TBC1D12: variants seen among roughly 807,000 people sequenced by gnomAD.
The protein encoded by TBC1D12 is TBC1 domain family member 12, also known as TBC1 domain family, member 12.
TBC1D12 carries 56 observed loss-of-function variants against 86.7 expected under a neutral mutation model. The ratio of observed to expected loss-of-function variants is 0.65; its 90% CI spans 0.52 to 0.81. The LOEUF (loss-of-function observed/expected upper bound fraction) is 0.81. Ranked by LOEUF, TBC1D12 falls within the 30% of genes least tolerant of loss-of-function variation. TBC1D12 has a pLI of 0.00. For missense variants in TBC1D12, 1,023 were observed against 1,038.8 expected (o/e 0.98, Z 0.21); for synonymous variants, 421 against 411.7 (o/e 1.02, Z -0.27).
intron 2 of TBC1D12, among the ~76,000 whole-genome samples, chr10:94,464,581 T>C (rs546058487): frequency 9.3e-4 from 141 of 152,324 alleles, no homozygotes; most frequent in African/African-American, 3.2e-3. Context: ...TCCTCCCACC[T>C]CAGCTTCCAG....
Position 94,531,330 on chromosome 10 carries a change from T to G in TBC1D12, c.2129T>G (p.Ile710Ser), listed in dbSNP as rs1395264579. The change falls in exon 12 of 13, where the codon ATT becomes AGT. Residue 710 changes from isoleucine to serine, a missense_variant. Ile to Ser is a moderately radical substitution (Grantham distance 142). Around this residue, in one of 2 missense-constraint regions of TBC1D12, gnomAD observed 395 missense variants for 507.7 expected, o/e 0.78. Transcript: ENST00000225235. Reference protein sequence around the residue: ...GLGILRLYEDILLQMDFIHIA... With the variant: ...GLGILRLYEDSLLQMDFIHIA... ...GGAATCCTCCGATTATATGAAGATA[T>G]TCTCCTGCAGATGGACTTTATTCAT... 1 of 1,614,186 alleles carries G rather than the reference T, an allele frequency of 6.2e-7. No homozygotes were observed. Among genetic ancestry groups the G allele is most frequent in the Non-Finnish European group, 8.5e-7 (1 of 1,180,028 alleles).
chr10:94,432,617 T>C (rs919847833), intron 1 of TBC1D12, among the ~76,000 whole-genome samples: 11 of 152,326 alleles, frequency 7.2e-5, no homozygotes, highest in African/African-American at 2.6e-4. Flanking sequence ...ATTTCTTTTA[T>C]GGAAATTTCT....
chr10:94,508,318 G>T (rs998407026), intron 7 of TBC1D12: 2 of 151,470 alleles, frequency 1.3e-5, no homozygotes, highest in Non-Finnish European at 2.9e-5. Context: ...TCATCATATA[G>T]GGATGGGGTC....
At chr10:94,527,628 A>AT (rs1842329209) in intron 11 of TBC1D12, among the ~76,000 whole-genome samples, 1 of 151,472 alleles carries the variant, frequency 6.6e-6, no homozygotes, top group South Asian at 2.1e-4. Context: ...TACTAATAAC[A>AT]TTTTTTCCAA....
chr10:94,531,802 A>ATGTTATTTTATTT (rs1411950940), intron 12 of TBC1D12, among the ~76,000 whole-genome samples: 20 of 142,834 alleles, frequency 1.4e-4, no homozygotes, highest in Admixed American at 2.8e-4. Context: ...ATTTTATTTT[A>ATGTTATTTTATTT]TGTTATTTTA....
intron 2 of TBC1D12, among the ~76,000 whole-genome samples, chr10:94,447,440 T>C (rs888213705): frequency 1.3e-5 from 2 of 152,198 alleles, no homozygotes; most frequent in African/African-American, 4.8e-5. Context: ...TTAAAACTTT[T>C]TATTCCTGCA....
intron 4 of TBC1D12, 90 bp downstream of exon 4, chr10:94,493,537 C>T: frequency 2.0e-6 from 2 of 982,202 alleles, no homozygotes; most frequent in East Asian, 4.8e-5. Context: ...CAAGATGATA[C>T]TGAATTCTTT....
At chr10:94,439,891 G>T (rs1186806738) in intron 1 of TBC1D12, among the ~76,000 whole-genome samples, 1 of 152,164 alleles carries the variant, frequency 6.6e-6, no homozygotes, top group Non-Finnish European at 1.5e-5. Flanking sequence ...GCTACAAAGT[G>T]TTTTCTTGAT....
At chr10:94,446,817 C>A (rs2055469118) in intron 2 of TBC1D12, among the ~76,000 whole-genome samples, 1 of 152,224 alleles carries the variant, frequency 6.6e-6, no homozygotes, top group South Asian at 2.1e-4. Context: ...TGCGGTGGCT[C>A]ACATCTACAA....
intron 5 of TBC1D12, 127 bp downstream of exon 5, chr10:94,497,299 T>A (rs1053441955): frequency 2.5e-6 from 1 of 401,692 alleles, no homozygotes; most frequent in Non-Finnish European, 4.5e-6. Flanking sequence ...GCAGGTTAGT[T>A]ACATATGTAT....
intron 1 of TBC1D12, among the ~76,000 whole-genome samples, chr10:94,439,758 A>T (rs925542644): frequency 2.6e-5 from 4 of 152,200 alleles, no homozygotes; most frequent in African/African-American, 9.6e-5. Context: ...GTTATCTTAG[A>T]GCATAAAGGT....
At position 94,531,679 on chromosome 10, in the gene TBC1D12, T is replaced by TTTATTTTATG. The variant is rs1564996553; in HGVS notation, c.2259+234_2259+243dup. Among the ~76,000 whole-genome samples, 30 of 133,044 alleles carry TTTATTTTATG rather than the reference T, an allele frequency of 2.3e-4. 1 individual carries two copies. Among genetic ancestry groups the TTTATTTTATG allele is most frequent in the South Asian group, 9.4e-4 (4 of 4,236 alleles). 87.3% of individuals were successfully genotyped at this position (133,044 alleles called of 152,430 possible). On this transcript the variant is annotated intron_variant, in intron 12 of 12. Coordinates refer to ENST00000225235, the MANE Select transcript of TBC1D12 (RefSeq NM_015188.2). ...TTTATTTTATTTTATTTTATTTTAT[T>TTTATTTTATG]TTATTTTATGTTATTTTATGTTATG...
intron 5 of TBC1D12, among the ~76,000 whole-genome samples, chr10:94,499,580 A>G (rs755529654): frequency 6.6e-6 from 1 of 152,268 alleles, no homozygotes; most frequent in Non-Finnish European, 1.5e-5. Context: ...TGCAATGCCT[A>G]CTGTAGTTTG....
At chr10:94,410,945 C>T (rs1271630607) in intron 1 of TBC1D12, among the ~76,000 whole-genome samples, 1 of 152,082 alleles carries the variant, frequency 6.6e-6, no homozygotes, top group Non-Finnish European at 1.5e-5. Flanking sequence ...CTGTTGCACA[C>T]ACAGTAGTGG....
intron 2 of TBC1D12, among the ~76,000 whole-genome samples, chr10:94,465,275 G>A (rs1006943795): frequency 6.6e-6 from 1 of 152,014 alleles, no homozygotes; most frequent in African/African-American, 2.4e-5. Flanking sequence ...TTACAGCATT[G>A]CATTATAAAA....
intron 3 of TBC1D12, among the ~76,000 whole-genome samples, chr10:94,483,037 TTC>T (rs1165835488): frequency 5.0e-5 from 5 of 100,724 alleles, no homozygotes; most frequent in East Asian, 7.6e-4. Flanking sequence ...CATATTCTTC[TTC>T]TTTTTTTTTT....
At chr10:94,454,134 C>G (rs564284348) in intron 2 of TBC1D12, among the ~76,000 whole-genome samples, 1 of 152,316 alleles carries the variant, frequency 6.6e-6, no homozygotes, top group South Asian at 2.1e-4. Flanking sequence ...CTCAGTTTAT[C>G]ATTCCCAAAA....
intron 12 of TBC1D12, among the ~76,000 whole-genome samples, chr10:94,531,759 T>TTTATTTTATTTTATG (rs1564996752): frequency 0.022 from 1,428 of 63,972 alleles, 234 homozygotes; most frequent in Non-Finnish European, 0.036. Flanking sequence ...GTTATTTTAT[T>TTTATTTTATTTTATG]TTATTTTATT....
chr10:94,503,350 A>T (rs2056423202), intron 6 of TBC1D12, among the ~76,000 whole-genome samples: 1 of 152,214 alleles, frequency 6.6e-6, no homozygotes, highest in African/African-American at 2.4e-5. Context: ...AATATTTACC[A>T]AAGGTCTCAA....
Sources: allele counts gnomAD v4.1 joint callset (sites outside exome capture counted in the v4.1 genomes callset), GRCh38; gene constraint gnomAD v4.1.1; regional missense constraint gnomAD v4.1.1; transcripts MANE v1.5; gene names NCBI Gene and HGNC (gene_info 2026-07-23, HGNC 2026-07-21).